The following ANOS1 variants were observed in gnomAD, a reference collection of about 807,000 sequenced individuals.
ANOS1 encodes anosmin 1.
In ANOS1, 6 loss-of-function variants were observed where a neutral mutation model predicts 59.0. That is an observed-to-expected ratio of 0.10 (90% CI 0.06 to 0.20). The LOEUF (loss-of-function observed/expected upper bound fraction) is 0.20. Ranked by LOEUF, ANOS1 falls within the 10% of genes least tolerant of loss-of-function variation. The probability of loss-of-function intolerance (pLI) is 1.00; values close to 1 mark genes in which losing one functional copy is unlikely to be tolerated. For synonymous variants in ANOS1, 217 were observed against 223.4 expected (o/e 0.97, Z 0.25); for missense variants, 433 against 542.3 (o/e 0.80, Z 2.00).
Position 8,570,524 on chromosome X carries a change from T to A in ANOS1, c.1037A>T (p.Lys346Met). 8.3e-7 allele frequency: 1 copy of A among 1,210,962 alleles called. No individual in the cohort carries two copies. Among genetic ancestry groups the A allele is most frequent in the Non-Finnish European group, 1.1e-6 (1 of 894,604 alleles). ...VSSKSLVPTKKKRRKTTDGFQ... is the reference protein window; with the variant it reads ...VSSKSLVPTKMKRRKTTDGFQ... ...CCCATCCGTAGTCTTTCTCCGCTTC[T>A]TCTTTGTTGGGACAAGAGACTTACT... The change falls in exon 7 of 14, where the codon AAG (lysine) becomes ATG (methionine). Residue 346 changes from lysine to methionine, a missense_variant. By Grantham distance (95) the Lys-to-Met change is moderately conservative (BLOSUM62 -1). Coordinates refer to ENST00000262648, the MANE Select transcript of ANOS1 (RefSeq NM_000216.4).
At chrX:8,554,297 C>T (rs1442609448) in intron 8 of ANOS1, among the ~76,000 whole-genome samples, 199 bp from the exon 9 acceptor site, 1 of 111,291 alleles carries the variant, frequency 9.0e-6, no homozygotes. Context: ...CCATGGAGGG[C>T]GAGCAGAAGC....
At chrX:8,654,187 T>C (rs1263082613) in intron 2 of ANOS1, among the ~76,000 whole-genome samples, 1 of 111,862 alleles carries the variant, frequency 8.9e-6, no homozygotes, top group African/African-American at 3.2e-5. Flanking sequence ...AATTTGGTCT[T>C]ATGTCTCCCA....
At position 8,564,579 on chromosome X, in the gene ANOS1, G is replaced by C. The variant is rs375423497; in HGVS notation, c.1207+3653C>G. Among the ~76,000 whole-genome samples, 10 of 111,568 alleles carry C rather than the reference G, an allele frequency of 9.0e-5. No homozygotes were observed. The East Asian group carries it at 2.5e-3, about 28-fold the overall frequency. ...TGACCACATATGTAGATAATCCATG[G>C]TCTCTGATGTAGATGAGATTTGACT... On this transcript the variant is annotated intron_variant, in intron 8 of 13. Coordinates refer to ENST00000262648, the MANE Select transcript of ANOS1 (RefSeq NM_000216.4).
In ANOS1 at chrX:8,623,766, CT is replaced by C. The variant is rs1367282055; in HGVS notation, c.256-97del. 4.6e-6 allele frequency: 3 copies of C among 656,579 alleles called. No individual in the cohort carries two copies. In the African/African-American group the frequency reaches 6.5e-5, roughly 14 times the overall value. 54.1% of individuals were successfully genotyped at this position (656,579 alleles called of 1,213,427 possible). On this transcript the variant is annotated intron_variant, in intron 2 of 13. Coordinates refer to ENST00000262648, the MANE Select transcript of ANOS1 (RefSeq NM_000216.4). The stretch of plus-strand genomic sequence containing the variant: ...CCTGTGATTGTTGCTTTTTCAATGC[CT>C]GTTTATTCTAGTTAGTTTAGAAAAC...
At chrX:8,619,070 CAAAAAAAAA>C (rs1164164251) in intron 3 of ANOS1, among the ~76,000 whole-genome samples, 3 of 43,976 alleles carry the variant, frequency 6.8e-5, no homozygotes, top group African/African-American at 1.7e-4. Context: ...AAACCTCTCT[CAAAAAAAAA>C]AAAAAAAAAA....
chrX:8,727,520 T>A (rs1282271892), intron 1 of ANOS1, among the ~76,000 whole-genome samples: 1 of 112,350 alleles, frequency 8.9e-6, no homozygotes, highest in Non-Finnish European at 1.9e-5. Flanking sequence ...CTGAGGAGGA[T>A]GCAATAAACC....
chrX:8,632,809 G>T (rs1185260981), intron 2 of ANOS1, among the ~76,000 whole-genome samples: 2 of 110,428 alleles, frequency 1.8e-5, no homozygotes, highest in East Asian at 5.6e-4. Context: ...ATTTTATATG[G>T]GTATACATTC....
chrX:8,570,052 T>G (rs1479267777), intron 7 of ANOS1, among the ~76,000 whole-genome samples: 2 of 109,092 alleles, frequency 1.8e-5, no homozygotes, highest in Non-Finnish European at 3.8e-5. Flanking sequence ...AAGCTGTTAC[T>G]GCTCAGTGAT....
chrX:8,578,758 G>A (rs1232664104), intron 6 of ANOS1, among the ~76,000 whole-genome samples: 6 of 112,374 alleles, frequency 5.3e-5, no homozygotes, highest in Admixed American at 4.7e-4. Flanking sequence ...TTCTTCATAA[G>A]ATCCCTTAAA....
chrX:8,729,390 CCT>C (rs1932948683), intron 1 of ANOS1, among the ~76,000 whole-genome samples: 2 of 94,014 alleles, frequency 2.1e-5, no homozygotes, highest in Admixed American at 1.2e-4. Context: ...CACCTTCCTT[CCT>C]TTTTTTTTTT....
chrX:8,635,688 G>A (rs186976889), intron 2 of ANOS1, among the ~76,000 whole-genome samples: 173 of 112,172 alleles, frequency 1.5e-3, no homozygotes, highest in Admixed American at 3.2e-3. Flanking sequence ...ACTATTATCT[G>A]TACATGTAAT....
At chrX:8,722,566 T>C (rs1359511747) in intron 1 of ANOS1, among the ~76,000 whole-genome samples, 1 of 108,675 alleles carries the variant, frequency 9.2e-6, no homozygotes, top group Non-Finnish European at 1.9e-5. Context: ...GGTACTCCAT[T>C]ATGTGTGTAC....
At chrX:8,680,730 C>A (rs1310919896) in intron 2 of ANOS1, among the ~76,000 whole-genome samples, 1 of 111,712 alleles carries the variant, frequency 9.0e-6, no homozygotes, top group Non-Finnish European at 1.9e-5. Flanking sequence ...GAGCACTAAT[C>A]AACTCTCATA....
intron 7 of ANOS1, among the ~76,000 whole-genome samples, chrX:8,569,484 T>C (rs1006794762): frequency 1.4e-4 from 16 of 110,864 alleles, no homozygotes; most frequent in African/African-American, 5.3e-4. Context: ...CTACTAAAAA[T>C]ACAAAAAATT....
At chrX:8,662,671 G>C (rs751581210) in intron 2 of ANOS1, among the ~76,000 whole-genome samples, 2 of 112,149 alleles carry the variant, frequency 1.8e-5, no homozygotes, top group Non-Finnish European at 3.8e-5. Context: ...CCAATGACTG[G>C]TCTCCTTATA....
chrX:8,645,572 TTTG>T (rs1931739551), intron 2 of ANOS1, among the ~76,000 whole-genome samples: 1 of 111,895 alleles, frequency 8.9e-6, no homozygotes, highest in Non-Finnish European at 1.9e-5. Flanking sequence ...CTCTTTAAGC[TTTG>T]TTGTTGTTGC....
chrX:8,656,275 G>A (rs183004082), intron 2 of ANOS1, among the ~76,000 whole-genome samples: 126 of 112,722 alleles, frequency 1.1e-3, no homozygotes, highest in African/African-American at 3.8e-3. Context: ...ATCCAGCAGT[G>A]ATAGTTAAAA....
At chrX:8,638,844 C>A (rs765444062) in intron 2 of ANOS1, among the ~76,000 whole-genome samples, 1 of 111,915 alleles carries the variant, frequency 8.9e-6, no homozygotes, top group Admixed American at 9.5e-5. Flanking sequence ...AGCTTTGGGA[C>A]AAGTGGGAGC....
At chrX:8,688,337 A>C (rs1256750489) in intron 2 of ANOS1, among the ~76,000 whole-genome samples, 1 of 112,248 alleles carries the variant, frequency 8.9e-6, no homozygotes, top group Non-Finnish European at 1.9e-5. Context: ...CAACATCTTC[A>C]AACAAGCGGT....
Sources: gnomAD v4.1 joint callset for allele counts (sites outside exome capture counted in the v4.1 genomes callset) on GRCh38, gnomAD v4.1.1 for gene constraint, MANE v1.5 for transcripts, NCBI Gene and HGNC (gene_info 2026-07-23, HGNC 2026-07-21) for gene names.